TCERG1L: variants seen among roughly 807,000 people sequenced by gnomAD.
TCERG1L encodes the protein transcription elongation regulator 1-like protein.
Under a neutral mutation model 56.3 loss-of-function variants are expected in TCERG1L, and 37 were observed. That is an observed-to-expected ratio of 0.66 (90% CI 0.51 to 0.87). The LOEUF is 0.87. TCERG1L is among the 40% of genes least tolerant of loss of function. The probability of loss-of-function intolerance (pLI) is 0.00; values close to 1 mark genes in which losing one functional copy is unlikely to be tolerated. For synonymous variants in TCERG1L, 324 were observed against 326.3 expected, an observed-to-expected ratio of 0.99 and a Z score of 0.08; for missense variants, 799 against 774.2, an observed-to-expected ratio of 1.03 and a Z score of -0.38.
At chr10:131,208,132 A>C (rs1392402532) in intron 4 of TCERG1L, among the ~76,000 whole-genome samples, 2 of 152,196 alleles carry the variant, frequency 1.3e-5, no homozygotes, top group Admixed American at 1.3e-4. Context: ...GGACGGGACT[A>C]GGTGGAGTCA....
chr10:131,162,711 C>G (rs1362572071), intron 6 of TCERG1L: 1 of 158,594 alleles, frequency 6.3e-6, no homozygotes, highest in African/African-American at 2.4e-5. Flanking sequence ...GTGGCATATT[C>G]CGAGAGCAAG....
In TCERG1L at chr10:131,146,521, G is replaced by C. The variant is rs1214033441; in HGVS notation, c.1174C>G (p.Leu392Val). 6.2e-7 allele frequency: 1 copy of C among 1,610,980 alleles called. No homozygotes were observed. The highest frequency in any genetic ancestry group is 2.2e-5 in the East Asian group (1 of 44,816). The change falls in exon 7 of 12, where the codon CTG becomes GTG. Residue 392 changes from leucine to valine, a missense_variant. Leu to Val is a conservative substitution (Grantham distance 32). Transcript: ENST00000368642. ...GCTTAGTTACTTGCTGGTGCCTCCA[G>C]CTTGCGTTTGTGGGGCGGGTCCTCA... ...IIEDPPHKRK[L>V]EAPATDNSDG...
Position 131,302,275 on chromosome 10 carries a change from C to T in TCERG1L, c.670+5936G>A, listed in dbSNP as rs80107555. 7.7e-3 allele frequency among the ~76,000 whole-genome samples: 1,171 copies of T among 151,116 alleles called. 32 individuals carry two copies. Among genetic ancestry groups the T allele is most frequent in the African/African-American group, 0.027 (1,100 of 41,048 alleles). ...ACATTCATAAAATGCCTCCAGGATA[C>T]GGTGAGCAGGATATACGGCTGGCTT... On this transcript the variant is annotated intron_variant, in intron 3 of 11. Transcript: ENST00000368642.
At chr10:131,173,166 C>G (rs944198999) in intron 4 of TCERG1L, among the ~76,000 whole-genome samples, 1 of 152,110 alleles carries the variant, frequency 6.6e-6, no homozygotes, top group African/African-American at 2.4e-5. Context: ...GCTGGGATTA[C>G]AGGTGTGAGC....
chr10:131,134,880 G>A (rs145903313), intron 7 of TCERG1L, among the ~76,000 whole-genome samples: 1,774 of 152,252 alleles, frequency 0.012, 31 homozygotes, highest in African/African-American at 0.04. Context: ...ACAGGCCCAC[G>A]CTCAGCTCCT....
chr10:131,103,000 C>T (rs1364840495), intron 10 of TCERG1L, among the ~76,000 whole-genome samples: 1 of 151,964 alleles, frequency 6.6e-6, no homozygotes. Context: ...AAATAGTCCC[C>T]GGAGAACCCC....
intron 11 of TCERG1L, among the ~76,000 whole-genome samples, chr10:131,093,874 AC>A (rs1387415789): frequency 1.3e-5 from 2 of 152,068 alleles, no homozygotes; most frequent in Non-Finnish European, 2.9e-5. Flanking sequence ...GTTAAACCTC[AC>A]TTGCGGAACT....
chr10:131,276,551 A>G (rs1479259222), intron 3 of TCERG1L, among the ~76,000 whole-genome samples: 1 of 152,224 alleles, frequency 6.6e-6, no homozygotes, highest in Non-Finnish European at 1.5e-5. Context: ...AGAGCACAGG[A>G]AATTATTCTC....
At chr10:131,253,031 G>A (rs1305539142) in intron 4 of TCERG1L, among the ~76,000 whole-genome samples, 9 of 152,316 alleles carry the variant, frequency 5.9e-5, no homozygotes, top group South Asian at 4.1e-4. Context: ...AGGCCGTAGC[G>A]CCTTCCCTGC....
intron 4 of TCERG1L, among the ~76,000 whole-genome samples, chr10:131,201,812 C>T (rs1845438952): frequency 6.6e-6 from 1 of 152,114 alleles, no homozygotes; most frequent in Non-Finnish European, 1.5e-5. Flanking sequence ...GTGAGTTTTT[C>T]AGAGCTGCCG....
chr10:131,252,042 C>T (rs556962012), intron 4 of TCERG1L, among the ~76,000 whole-genome samples: 21 of 152,330 alleles, frequency 1.4e-4, no homozygotes, highest in African/African-American at 5.1e-4. Flanking sequence ...GTTTCACTGA[C>T]CATCGTGTCC....
intron 6 of TCERG1L, among the ~76,000 whole-genome samples, chr10:131,155,351 G>C (rs2133423421): frequency 6.6e-6 from 1 of 152,260 alleles, no homozygotes; most frequent in South Asian, 2.1e-4. Flanking sequence ...CCACTCCATG[G>C]TCATGTCAAG....
intron 10 of TCERG1L, among the ~76,000 whole-genome samples, chr10:131,099,057 T>A (rs1471700101): frequency 1.3e-5 from 2 of 152,212 alleles, no homozygotes; most frequent in East Asian, 3.9e-4. Context: ...GATGCCAGGC[T>A]GCCTGGGTCA....
At chr10:131,193,329 A>G (rs1296310404) in intron 4 of TCERG1L, among the ~76,000 whole-genome samples, 1 of 152,164 alleles carries the variant, frequency 6.6e-6, no homozygotes, top group Non-Finnish European at 1.5e-5. Flanking sequence ...CTACGTTGAC[A>G]ATTTCTTTTG....
At chr10:131,293,659 T>C (rs1299676688) in intron 3 of TCERG1L, among the ~76,000 whole-genome samples, 2 of 152,132 alleles carry the variant, frequency 1.3e-5, no homozygotes, top group Non-Finnish European at 2.9e-5. Context: ...TCTGTACCCT[T>C]GGCCTGTAAG....
intron 10 of TCERG1L, among the ~76,000 whole-genome samples, chr10:131,101,223 G>A (rs1361298071): frequency 6.6e-6 from 1 of 152,214 alleles, no homozygotes; most frequent in African/African-American, 2.4e-5. Context: ...TGAGCCCTGG[G>A]TGGGATGCCC....
At chr10:131,248,318 T>C (rs1490987615) in intron 4 of TCERG1L, among the ~76,000 whole-genome samples, 4 of 152,128 alleles carry the variant, frequency 2.6e-5, no homozygotes, top group African/African-American at 4.8e-5. Context: ...CACCCAGGAC[T>C]GGACCCAGGT....
intron 3 of TCERG1L, among the ~76,000 whole-genome samples, chr10:131,283,920 C>T (rs1483407089): frequency 2.0e-5 from 3 of 151,828 alleles, no homozygotes; most frequent in Admixed American, 6.6e-5. Context: ...GTCAGGAGTT[C>T]GAGACCAGGC....
chr10:131,155,472 A>T (rs576583312), intron 6 of TCERG1L, among the ~76,000 whole-genome samples: 8 of 152,248 alleles, frequency 5.3e-5, no homozygotes. Flanking sequence ...CTGAGAACAC[A>T]GGTTTCTGCA....
Sources: allele counts gnomAD v4.1 joint callset (sites outside exome capture counted in the v4.1 genomes callset), GRCh38; gene constraint gnomAD v4.1.1; transcripts MANE v1.5; gene names NCBI Gene and HGNC (gene_info 2026-07-23, HGNC 2026-07-21).